GADL1: variants seen among roughly 807,000 people sequenced by gnomAD.
GADL1 encodes acidic amino acid decarboxylase GADL1.
A neutral mutation model predicts 69.5 loss-of-function variants in GADL1; 71 were observed. The ratio of observed to expected loss-of-function variants is 1.02; its 90% CI spans 0.84 to 1.25. The LOEUF (loss-of-function observed/expected upper bound fraction) is 1.25, where lower values mean the gene tolerates loss of function less well. Among genes scored for constraint, GADL1 ranks in the 50% most tolerant of loss-of-function variants. The pLI is 0.00. For synonymous variants in GADL1, 254 were observed against 214.4 expected, an observed-to-expected ratio of 1.18 and a Z score of -1.62; for missense variants, 737 against 631.8, an observed-to-expected ratio of 1.17 and a Z score of -1.79.
intron 11 of GADL1, among the ~76,000 whole-genome samples, chr3:30,807,960 A>AGGT (rs112983525): frequency 0.28 from 41,826 of 151,876 alleles, 6,860 homozygotes; most frequent in East Asian, 0.53. Context: ...TGAACCCGGG[A>AGGT]GGTGGAGATT....
At chr3:30,797,068 T>A (rs1697048204) in intron 12 of GADL1, among the ~76,000 whole-genome samples, 1 of 152,184 alleles carries the variant, frequency 6.6e-6, no homozygotes, top group Non-Finnish European at 1.5e-5. Context: ...TATAACGCAA[T>A]CAGCTACAGA....
At chr3:30,737,019 T>C (rs951588452) in intron 14 of GADL1, among the ~76,000 whole-genome samples, 17 of 152,206 alleles carry the variant, frequency 1.1e-4, no homozygotes, top group Non-Finnish European at 1.8e-4. Flanking sequence ...TGTGCTTTCT[T>C]GTCACTTATG....
intron 12 of GADL1, among the ~76,000 whole-genome samples, chr3:30,796,222 T>A (rs923836030): frequency 1.3e-5 from 2 of 152,202 alleles, no homozygotes; most frequent in South Asian, 2.1e-4. Context: ...ATTTAAATAG[T>A]GCAAGAAAAT....
chr3:30,844,282 G>C lies in GADL1; in HGVS notation c.732-18C>G. 1 of 1,607,392 alleles carries C rather than the reference G, an allele frequency of 6.2e-7. No homozygotes were observed. On this transcript the variant is annotated intron_variant, in intron 7 of 14. Coordinates refer to ENST00000282538, the MANE Select transcript of GADL1 (RefSeq NM_207359.3). ...TTTTACCTCTAAGGGACAAAGATTT[G>C]AGACTTTCAGTTATGTTTAGTAATT...
At chr3:30,872,656 C>T (rs1698509449) in intron 1 of GADL1, among the ~76,000 whole-genome samples, 1 of 151,886 alleles carries the variant, frequency 6.6e-6, no homozygotes, top group South Asian at 2.1e-4. Flanking sequence ...GTGGGTATCT[C>T]CAAGTTCTAA....
intron 4 of GADL1, among the ~76,000 whole-genome samples, chr3:30,851,661 G>C (rs1698149236): frequency 1.1e-5 from 1 of 90,568 alleles, no homozygotes; most frequent in South Asian, 3.0e-4. Context: ...AACTGCTGGA[G>C]ATGTAAAGGC....
intron 8 of GADL1, among the ~76,000 whole-genome samples, chr3:30,842,299 A>C (rs1575230063): frequency 6.6e-6 from 1 of 152,286 alleles, no homozygotes; most frequent in East Asian, 1.9e-4. Flanking sequence ...TCCTTCATAA[A>C]TATACTCAAC....
chr3:30,771,206 C>T (rs919290126), intron 14 of GADL1, among the ~76,000 whole-genome samples: 26 of 152,306 alleles, frequency 1.7e-4, no homozygotes, highest in African/African-American at 6.3e-4. Flanking sequence ...GCTGAAGGAA[C>T]ACTCCAGCTT....
intron 13 of GADL1, among the ~76,000 whole-genome samples, chr3:30,785,692 T>G (rs974041705): frequency 6.6e-6 from 1 of 152,198 alleles, no homozygotes; most frequent in African/African-American, 2.4e-5. Context: ...TTCTTATGTA[T>G]AGCACAGGTT....
At chr3:30,894,518 A>C (rs770485507) in intron 1 of GADL1, 60 bp downstream of exon 1, 1 of 1,382,336 alleles carries the variant, frequency 7.2e-7, no homozygotes, top group Non-Finnish European at 1.0e-6. Flanking sequence ...AAAAATAAGG[A>C]GATTAAAACC....
At chr3:30,853,683 C>G (rs536410264) in intron 4 of GADL1, among the ~76,000 whole-genome samples, 1 of 152,224 alleles carries the variant, frequency 6.6e-6, no homozygotes, top group Admixed American at 6.5e-5. Context: ...AGCCAGAAAC[C>G]CAGGCATTGT....
intron 12 of GADL1, among the ~76,000 whole-genome samples, chr3:30,793,557 G>GA (rs1440221388): frequency 6.6e-6 from 1 of 151,952 alleles, no homozygotes; most frequent in African/African-American, 2.4e-5. Context: ...ATAAAAGAGA[G>GA]AAAAAAATAC....
intron 11 of GADL1, among the ~76,000 whole-genome samples, chr3:30,824,380 C>G (rs1678620784): frequency 6.6e-6 from 1 of 151,606 alleles, no homozygotes; most frequent in Admixed American, 6.6e-5. Context: ...TTTAAAGAAG[C>G]AAAATATAAC....
intron 1 of GADL1, among the ~76,000 whole-genome samples, chr3:30,883,236 T>C (rs1359852257): frequency 6.6e-6 from 1 of 152,016 alleles, no homozygotes; most frequent in Non-Finnish European, 1.5e-5. Context: ...TCCAATGTCA[T>C]AAGGCTTTCT....
intron 1 of GADL1, among the ~76,000 whole-genome samples, chr3:30,870,404 A>G (rs1226262349): frequency 1.3e-5 from 2 of 151,842 alleles, no homozygotes; most frequent in Non-Finnish European, 2.9e-5. Flanking sequence ...TCTTTAAGAA[A>G]TGGAAAGAGA....
chr3:30,764,288 T>C (rs1400456188), intron 14 of GADL1, among the ~76,000 whole-genome samples: 1 of 152,200 alleles, frequency 6.6e-6, no homozygotes, highest in Admixed American at 6.5e-5. Context: ...CAGTAGAAAC[T>C]AATTTCTAAG....
Position 30,894,512 on chromosome 3 carries a change from AT to A in GADL1, c.37+65del, listed in dbSNP as rs1400559911. On this transcript the variant is annotated intron_variant, in intron 1 of 14. Coordinates refer to ENST00000282538, the MANE Select transcript of GADL1 (RefSeq NM_207359.3). ...CAAACTTCTAGTCCCCAGGTCAAAA[AT>A]AAGGAGATTAAAACCCAGACAGGGG... is the stretch of plus-strand genomic sequence containing the variant. 44 of 1,351,550 alleles carry A rather than the reference AT, an allele frequency of 3.3e-5. 1 individual carries two copies. In the Admixed American group the frequency reaches 6.8e-4, roughly 21 times the overall value. The allele number at this position is 1,351,550 out of a possible 1,614,324, so 83.7% of individuals were successfully genotyped here. A position where few individuals can be genotyped will look rare whatever the true frequency, so the allele number is the denominator to read the frequency against.
At chr3:30,751,796 T>C (rs914864755) in intron 14 of GADL1, among the ~76,000 whole-genome samples, 15 of 118,142 alleles carry the variant, frequency 1.3e-4, no homozygotes, top group Admixed American at 1.0e-3. Flanking sequence ...GCTCATAGTT[T>C]TTAGAGGAAA....
chr3:30,767,615 TTGAA>T (rs1485988515), intron 14 of GADL1, among the ~76,000 whole-genome samples: 3 of 152,048 alleles, frequency 2.0e-5, no homozygotes, highest in African/African-American at 4.8e-5. Flanking sequence ...ATACAAAAAA[TTGAA>T]TGACAGTAAA....
Sources: allele counts gnomAD v4.1 joint callset (sites outside exome capture counted in the v4.1 genomes callset), GRCh38; gene constraint gnomAD v4.1.1; transcripts MANE v1.5; gene names NCBI Gene and HGNC (gene_info 2026-07-23, HGNC 2026-07-21).